Variants in LINGO2 observed in about 807,000 individuals in gnomAD.
The protein encoded by LINGO2 is leucine-rich repeat and immunoglobulin-like domain-containing nogo receptor-interacting protein 2.
Under a neutral mutation model 30.6 loss-of-function variants are expected in LINGO2, and 14 were observed. The observed-to-expected ratio is 0.46, with a 90% CI of 0.30 to 0.72. The LOEUF (loss-of-function observed/expected upper bound fraction) is 0.72. LINGO2 is among the 30% of genes least tolerant of loss of function. The pLI, the probability that LINGO2 is intolerant of heterozygous loss-of-function variation, is 0.07. For synonymous variants in LINGO2, 317 were observed against 288.5 expected (o/e 1.10, Z -1.00); for missense variants, 729 against 751.7 (o/e 0.97, Z 0.35).
intron 4 of LINGO2, among the ~76,000 whole-genome samples, chr9:28,081,423 G>T (rs1052583730): frequency 6.6e-6 from 1 of 152,022 alleles, no homozygotes; most frequent in African/African-American, 2.4e-5. Flanking sequence ...AGGGAAAAAA[G>T]TGCCTAAATT....
chr9:28,464,046 C>T (rs1292378450), intron 2 of LINGO2, among the ~76,000 whole-genome samples: 1 of 152,104 alleles, frequency 6.6e-6, no homozygotes, highest in African/African-American at 2.4e-5. Context: ...CAAGACAAAA[C>T]ATTTCCCTAA....
At chr9:28,213,260 A>C (rs1820653520) in intron 4 of LINGO2, among the ~76,000 whole-genome samples, 1 of 151,498 alleles carries the variant, frequency 6.6e-6, no homozygotes, top group Non-Finnish European at 1.5e-5. Flanking sequence ...TCTTCAATAA[A>C]GGAGGATGGA....
intron 4 of LINGO2, among the ~76,000 whole-genome samples, chr9:28,227,130 A>G (rs918836246): frequency 6.6e-6 from 1 of 152,114 alleles, no homozygotes; most frequent in East Asian, 1.9e-4. Flanking sequence ...ATCAAGGGCC[A>G]TTATTATTAT....
chr9:28,638,061 T>C (rs1310583873), intron 1 of LINGO2, among the ~76,000 whole-genome samples: 1 of 152,224 alleles, frequency 6.6e-6, no homozygotes, highest in Non-Finnish European at 1.5e-5. Flanking sequence ...AGGCCTTTTC[T>C]GCATCTATTG....
At chr9:28,590,389 T>A (rs1824817365) in intron 1 of LINGO2, among the ~76,000 whole-genome samples, 1 of 151,542 alleles carries the variant, frequency 6.6e-6, no homozygotes, top group South Asian at 2.1e-4. Flanking sequence ...TGGGAGAAAA[T>A]TTTTGCAACC....
At chr9:29,042,917 G>A in the LINGO2 span, among the ~76,000 whole-genome samples, 2 of 151,798 alleles carry the variant, frequency 1.3e-5, no homozygotes, top group African/African-American at 4.8e-5. Context: ...TCATTGCCAC[G>A]GGATGCAATC....
intron 1 of LINGO2, among the ~76,000 whole-genome samples, chr9:28,491,962 T>C (rs1826412352): frequency 6.6e-6 from 1 of 152,222 alleles, no homozygotes; most frequent in Non-Finnish European, 1.5e-5. Flanking sequence ...ATTTGTATTG[T>C]TGGCAACTGA....
At chr9:29,193,708 C>G in the LINGO2 span, among the ~76,000 whole-genome samples, 1 of 152,092 alleles carries the variant, frequency 6.6e-6, no homozygotes, top group African/African-American at 2.4e-5. Flanking sequence ...CAAGTCTTCC[C>G]CTGTCACTCA....
chr9:29,207,508 T>G, the LINGO2 span, among the ~76,000 whole-genome samples: 2 of 152,156 alleles, frequency 1.3e-5, no homozygotes, highest in Non-Finnish European at 2.9e-5. Flanking sequence ...CTGAATGTGC[T>G]GGGAATCTTA....
the LINGO2 span, among the ~76,000 whole-genome samples, chr9:29,065,635 G>A: frequency 6.6e-6 from 1 of 151,970 alleles, no homozygotes; most frequent in South Asian, 2.1e-4. Flanking sequence ...TTAATACAGT[G>A]CCTGTACTGA....
At chr9:28,541,069 T>G (rs994198483) in intron 1 of LINGO2, among the ~76,000 whole-genome samples, 3 of 152,164 alleles carry the variant, frequency 2.0e-5, no homozygotes, top group African/African-American at 7.2e-5. Flanking sequence ...AAAGGAACAA[T>G]AGATAATGCA....
the LINGO2 span, among the ~76,000 whole-genome samples, chr9:28,792,369 G>T: frequency 6.6e-6 from 1 of 152,002 alleles, no homozygotes; most frequent in South Asian, 2.1e-4. Flanking sequence ...AAGCTAATCA[G>T]CAAAGGATTT....
the LINGO2 span, among the ~76,000 whole-genome samples, chr9:29,045,602 G>C: frequency 8.1e-5 from 12 of 148,922 alleles, no homozygotes; most frequent in African/African-American, 2.7e-4. Context: ...AAAAACCCTC[G>C]AAAACTGGGG....
At chr9:29,041,808 T>C in the LINGO2 span, among the ~76,000 whole-genome samples, 2 of 152,004 alleles carry the variant, frequency 1.3e-5, no homozygotes, top group South Asian at 4.1e-4. Flanking sequence ...GTAGATCTTA[T>C]CAAAATTAAA....
At chr9:28,956,843 C>G in the LINGO2 span, among the ~76,000 whole-genome samples, 4 of 145,614 alleles carry the variant, frequency 2.7e-5, no homozygotes, top group African/African-American at 7.7e-5. Flanking sequence ...AATAAAGATT[C>G]TAAGACTACC....
At chr9:28,676,081 C>G in the LINGO2 span, among the ~76,000 whole-genome samples, 1 of 150,698 alleles carries the variant, frequency 6.6e-6, no homozygotes, top group Non-Finnish European at 1.5e-5. Flanking sequence ...TTCCTCGGAA[C>G]TTATATTTAT....
the LINGO2 span, among the ~76,000 whole-genome samples, chr9:29,149,280 G>C: frequency 1.3e-5 from 2 of 152,018 alleles, no homozygotes; most frequent in Middle Eastern, 3.4e-3. Flanking sequence ...CTTGAGGCCA[G>C]ACATTCAAGA....
At chr9:28,277,496 T>C (rs1003058109) in intron 4 of LINGO2, among the ~76,000 whole-genome samples, 1 of 152,094 alleles carries the variant, frequency 6.6e-6, no homozygotes, top group Non-Finnish European at 1.5e-5. Context: ...TGCACATCTC[T>C]CACTTTAAAT....
the LINGO2 span, among the ~76,000 whole-genome samples, chr9:28,857,951 T>C: frequency 1.3e-5 from 2 of 152,012 alleles, no homozygotes; most frequent in South Asian, 2.1e-4. Flanking sequence ...AATTTAGATA[T>C]CGTATGCGGC....
Sources: gnomAD v4.1 joint callset for allele counts (sites outside exome capture counted in the v4.1 genomes callset) on GRCh38, gnomAD v4.1.1 for gene constraint, MANE v1.5 for transcripts, NCBI Gene and HGNC (gene_info 2026-07-23, HGNC 2026-07-21) for gene names.